Variants in VWA5B1 observed in about 807,000 individuals in gnomAD.
VWA5B1 encodes the protein von Willebrand factor A domain-containing protein 5B1.
Under a neutral mutation model 118.2 loss-of-function variants are expected in VWA5B1, and 115 were observed. That is an observed-to-expected ratio of 0.97 (90% CI 0.84 to 1.14). The LOEUF is 1.14. Ranked by LOEUF, VWA5B1 falls within the 50% of genes most tolerant of loss-of-function variation. The pLI is 0.00. For synonymous variants in VWA5B1, 682 were observed against 658.4 expected, an observed-to-expected ratio of 1.04 and a Z score of -0.55; for missense variants, 1,596 against 1,603.8, an observed-to-expected ratio of 1.00 and a Z score of 0.08.
intron 20 of VWA5B1, among the ~76,000 whole-genome samples, chr1:20,351,227 G>A (rs1315125833): frequency 6.6e-6 from 1 of 152,236 alleles, no homozygotes; most frequent in African/African-American, 2.4e-5. Context: ...GATAGTAAAA[G>A]AGGGTCACAA....
chr1:20,301,475 T>C (rs1297855389), intron 1 of VWA5B1, among the ~76,000 whole-genome samples: 1 of 152,068 alleles, frequency 6.6e-6, no homozygotes, highest in Non-Finnish European at 1.5e-5. Flanking sequence ...GAAAGGCAGG[T>C]TCCAGGGGCA....
chr1:20,335,217 A>G (rs1326912251), intron 12 of VWA5B1, among the ~76,000 whole-genome samples: 1 of 152,112 alleles, frequency 6.6e-6, no homozygotes, highest in African/African-American at 2.4e-5. Context: ...CTGGAAGCTG[A>G]GGCGGGAGGA....
intron 14 of VWA5B1, among the ~76,000 whole-genome samples, chr1:20,340,097 C>T (rs978175729): frequency 6.6e-6 from 1 of 152,026 alleles, no homozygotes; most frequent in Non-Finnish European, 1.5e-5. Flanking sequence ...CTCCCTAGCT[C>T]TTCAGACCCA....
At chr1:20,332,493 A>G (rs1171928541) in intron 11 of VWA5B1, among the ~76,000 whole-genome samples, 4 of 98,788 alleles carry the variant, frequency 4.0e-5, no homozygotes, top group Admixed American at 1.0e-4. Flanking sequence ...ATAAAATAAA[A>G]TAAAATAAAA....
In VWA5B1 at chr1:20,347,850, T is replaced by G. The variant is rs150725030; in HGVS notation, c.2765-395T>G. ...GGGGCCTGCCCTGTGGGAGGGGTAC[T>G]TGGGACATGGATCTCTGAGACAGTA... On this transcript the variant is annotated intron_variant, in intron 17 of 21. Transcript: ENST00000289815. 7.4e-4 allele frequency among the ~76,000 whole-genome samples: 112 copies of G among 152,262 alleles called. 1 individual carries two copies. Among genetic ancestry groups the G allele is most frequent in the South Asian group, 2.5e-3 (12 of 4,820 alleles).
In VWA5B1 at chr1:20,312,849, C is replaced by T. The variant is rs2088890251; in HGVS notation, c.153C>T (p.Tyr51=). Reference sequence around the variant, plus strand: ...CTGCTCCGACAGGCCTCTTCGTGTACCCCCTGGATGAGTGCACCACGGTGA... The same window carrying T: ...CTGCTCCGACAGGCCTCTTCGTGTATCCCCTGGATGAGTGCACCACGGTGA... ...EAQPFQGLFV[Y]PLDECTTVIG... is the part of the protein sequence containing the mutation. The change falls in exon 3 of 22, where the codon TAC becomes TAT. Residue 51 remains tyrosine (Y), a synonymous_variant. Coordinates refer to ENST00000289815, the MANE Select transcript of VWA5B1 (RefSeq NM_001039500.3). 3 of 1,550,036 alleles carry T rather than the reference C, an allele frequency of 1.9e-6. No homozygotes were observed. The highest frequency in any genetic ancestry group is 1.7e-6 in the Non-Finnish European group (2 of 1,145,894).
At position 20,345,452 on chromosome 1, in the gene VWA5B1, A is replaced by T. The variant is rs1408563044; in HGVS notation, c.2627-4A>T. 10 of 1,550,854 alleles carry T rather than the reference A, an allele frequency of 6.4e-6. No homozygotes were observed. Among genetic ancestry groups the T allele is most frequent in the Non-Finnish European group, 6.1e-6 (7 of 1,146,970 alleles). ...AACAGTGACCCCAGTTTCTCCCTCC[A>T]CAGGGTCCAACCGCCGCTACCAAGT... On this transcript the variant is annotated splice_region_variant and splice_polypyrimidine_tract_variant and intron_variant, in intron 16 of 21. Coordinates refer to ENST00000289815, the MANE Select transcript of VWA5B1 (RefSeq NM_001039500.3).
At position 20,352,240 on chromosome 1, in the gene VWA5B1, C is replaced by G; in HGVS notation, c.3141+68C>G. 4 of 1,139,118 alleles carry G rather than the reference C, an allele frequency of 3.5e-6. No homozygotes were observed. The South Asian group carries it at 4.4e-5, about 13-fold the overall frequency. 70.6% of individuals were successfully genotyped at this position (1,139,118 alleles called of 1,614,324 possible). A position where few individuals can be genotyped will look rare whatever the true frequency, so the allele number is the denominator to read the frequency against. On this transcript the variant is annotated intron_variant, in intron 21 of 21. Coordinates refer to ENST00000289815, the MANE Select transcript of VWA5B1 (RefSeq NM_001039500.3). Reference sequence around the variant, plus strand: ...TCAGCAGCAGGGCCTTCCTGTGATCCCCCTGCCCACCTCTCCACTTCCTCA... The same window carrying G: ...TCAGCAGCAGGGCCTTCCTGTGATCGCCCTGCCCACCTCTCCACTTCCTCA...
intron 20 of VWA5B1, 50 bp downstream of exon 20, chr1:20,350,976 G>T: frequency 6.5e-7 from 1 of 1,527,320 alleles, no homozygotes; most frequent in African/African-American, 1.4e-5. Context: ...CCATTTTCCT[G>T]GGGTGGTCCC....
chr1:20,309,353 G>A (rs2088770738), intron 1 of VWA5B1, among the ~76,000 whole-genome samples: 1 of 152,212 alleles, frequency 6.6e-6, no homozygotes, highest in Non-Finnish European at 1.5e-5. Context: ...AGCTCCGTGG[G>A]GGGATGACAG....
chr1:20,310,674 A>G lies in VWA5B1; in HGVS notation c.73A>G (p.Ser25Gly), dbSNP rs1223529170. 8 of 1,551,082 alleles carry G rather than the reference A, an allele frequency of 5.2e-6. No individual in the cohort carries two copies. The African/African-American group carries it at 1.1e-4, about 21-fold the overall frequency. ...CGCGTCTGATGTTACCTCCTGTGTC[A>G]GCGGTTATGCCCTGGGCCTAACTGC... ...LTASDVTSCV[S>G]GYALGLTASL... Residue 25 changes from serine to glycine, a missense_variant, in exon 2 of 22, where the codon AGC becomes GGC. Ser to Gly is a moderately conservative substitution (Grantham distance 56). Transcript: ENST00000289815.
At chr1:20,308,702 G>A (rs915451587) in intron 1 of VWA5B1, among the ~76,000 whole-genome samples, 1 of 152,174 alleles carries the variant, frequency 6.6e-6, no homozygotes, top group Non-Finnish European at 1.5e-5. Context: ...CAGCCCAACA[G>A]GAGATAAGCC....
chr1:20,306,731 T>C (rs964782327), intron 1 of VWA5B1, among the ~76,000 whole-genome samples: 1 of 152,168 alleles, frequency 6.6e-6, no homozygotes, highest in Non-Finnish European at 1.5e-5. Flanking sequence ...TTAGCATCTC[T>C]AGGCCATCAG....
Position 20,343,245 on chromosome 1 carries a change from G to A in VWA5B1, c.2478G>A (p.Glu826=). 1 of 1,549,108 alleles carries A rather than the reference G, an allele frequency of 6.5e-7. No individual in the cohort carries two copies. The highest frequency in any genetic ancestry group is 1.2e-5 in the South Asian group (1 of 84,054). ...GLHDSQRLQW[E]VSFELGTPGP... is the part of the protein sequence containing the mutation. ...ACGACAGCCAACGCCTGCAGTGGGA[G>A]GTGAGCTTCGAGCTGGGGACCCCTG... Residue 826 remains glutamate, a synonymous_variant, in exon 16 of 22, where the codon GAG becomes GAA. Transcript: ENST00000289815.
At chr1:20,340,801 G>T (rs1166060698) in intron 14 of VWA5B1, among the ~76,000 whole-genome samples, 2 of 152,162 alleles carry the variant, frequency 1.3e-5, no homozygotes, top group African/African-American at 4.8e-5. Context: ...ACTTGGTTTT[G>T]AGTGTTTCCT....
At chr1:20,291,899 TGCGGCA>T (rs2088313978) in intron 1 of VWA5B1, among the ~76,000 whole-genome samples, 1 of 152,172 alleles carries the variant, frequency 6.6e-6, no homozygotes, top group Non-Finnish European at 1.5e-5. Context: ...CCATAACGTC[TGCGGCA>T]GCCCCAACAG....
At position 20,314,486 on chromosome 1, in the gene VWA5B1, A is replaced by G; in HGVS notation, c.457A>G (p.Thr153Ala). 3 of 1,551,658 alleles carry G rather than the reference A, an allele frequency of 1.9e-6. No homozygotes were observed. Among genetic ancestry groups the G allele is most frequent in the Non-Finnish European group, 2.6e-6 (3 of 1,146,978 alleles). The change falls in exon 4 of 22, where the codon ACG (threonine) becomes GCG (alanine). Residue 153 changes from threonine to alanine, a missense_variant. Transcript: ENST00000289815. ...CATCAGCACCTCCTCGGAGCTCCCAACGCTGCCCAGCGGGGCTGTGAGGGT... is the reference window on the plus strand; with the variant it reads ...CATCAGCACCTCCTCGGAGCTCCCAGCGCTGCCCAGCGGGGCTGTGAGGGT... ...IFISTSSELP[T>A]LPSGAVRVLL...
intron 8 of VWA5B1, among the ~76,000 whole-genome samples, chr1:20,324,842 G>T (rs1416542798): frequency 6.6e-6 from 1 of 152,166 alleles, no homozygotes; most frequent in Non-Finnish European, 1.5e-5. Context: ...TGACACAGGG[G>T]TGTAGTAGGG....
intron 1 of VWA5B1, among the ~76,000 whole-genome samples, chr1:20,306,523 T>C (rs2088660150): frequency 6.6e-6 from 1 of 152,200 alleles, no homozygotes; most frequent in African/African-American, 2.4e-5. Context: ...ATTTACTGGC[T>C]GTCTCTTCCA....
Sources: gnomAD v4.1 joint callset for allele counts (sites outside exome capture counted in the v4.1 genomes callset) on GRCh38, gnomAD v4.1.1 for gene constraint, MANE v1.5 for transcripts, NCBI Gene and HGNC (gene_info 2026-07-23, HGNC 2026-07-21) for gene names.